SLIT2: variants seen among roughly 807,000 people sequenced by gnomAD.
SLIT2 encodes slit homolog 2 protein.
A neutral mutation model predicts 185.7 loss-of-function variants in SLIT2; 41 were observed. That is an observed-to-expected ratio of 0.22 (90% CI 0.17 to 0.29). SLIT2 has a LOEUF of 0.29. Ranked by LOEUF, SLIT2 falls within the 10% of genes least tolerant of loss-of-function variation. SLIT2 has a pLI of 1.00. For synonymous variants in SLIT2, 693 were observed against 680.2 expected (o/e 1.02, Z -0.29); for missense variants, 1,571 against 1,909.0 (o/e 0.82, Z 3.30).
intron 4 of SLIT2, among the ~76,000 whole-genome samples, chr4:20,360,556 T>C (rs1277507521): frequency 6.6e-6 from 1 of 152,124 alleles, no homozygotes; most frequent in Admixed American, 6.6e-5. Context: ...ACAGGAAGCA[T>C]AGAATGACTC....
chr4:20,599,951 A>G (rs1728282612), intron 33 of SLIT2, among the ~76,000 whole-genome samples: 1 of 152,206 alleles, frequency 6.6e-6, no homozygotes, highest in African/African-American at 2.4e-5. Context: ...ATGGAATTTG[A>G]TATCCACCAC....
At chr4:20,518,241 A>G (rs575588389) in intron 11 of SLIT2, among the ~76,000 whole-genome samples, 1,692 of 78,666 alleles carry the variant, frequency 0.022, 76 homozygotes, top group African/African-American at 0.058. Flanking sequence ...GTGTGTGTGT[A>G]TATATATATA....
Position 20,254,238 on chromosome 4 carries a change from C to A in SLIT2, c.179+244C>A, listed in dbSNP as rs1344077323. 6.6e-6 allele frequency among the ~76,000 whole-genome samples: 1 copy of A among 152,180 alleles called. No homozygotes were observed. Among genetic ancestry groups the A allele is most frequent in the African/African-American group, 2.4e-5 (1 of 41,450 alleles). On this transcript the variant is annotated intron_variant, in intron 1 of 36. Transcript: ENST00000504154. The surrounding 1 kb of genome is among the most constrained non-coding windows in gnomAD (Gnocchi z 5.1). ...TCCCCTGCTCTCGTCCCGCCACTCGCAGCTCCTTGCTGGCTAGTTCTCTGG... is the reference window on the plus strand; with the variant it reads ...TCCCCTGCTCTCGTCCCGCCACTCGAAGCTCCTTGCTGGCTAGTTCTCTGG...
At chr4:20,596,831 C>T (rs550329849) in intron 32 of SLIT2, among the ~76,000 whole-genome samples, 176 bp downstream of exon 32, 1 of 151,776 alleles carries the variant, frequency 6.6e-6, no homozygotes. Flanking sequence ...TTTGTATTTT[C>T]AAGACAAAAT....
At chr4:20,266,260 C>T (rs914830935) in intron 3 of SLIT2, among the ~76,000 whole-genome samples, 4 of 151,778 alleles carry the variant, frequency 2.6e-5, no homozygotes, top group African/African-American at 9.7e-5. Flanking sequence ...GATGTAGACT[C>T]GTTAACAAGA....
intron 5 of SLIT2, among the ~76,000 whole-genome samples, chr4:20,468,345 T>C (rs767234649): frequency 2.0e-4 from 31 of 152,094 alleles, no homozygotes; most frequent in Non-Finnish European, 4.1e-4. Flanking sequence ...AGTTTTAAGA[T>C]CACCCTTTGC....
intron 4 of SLIT2, among the ~76,000 whole-genome samples, chr4:20,430,697 T>A (rs537126944): frequency 1.3e-5 from 2 of 152,222 alleles, no homozygotes; most frequent in Non-Finnish European, 2.9e-5. Flanking sequence ...CAATAACACA[T>A]TGTATAAATA....
chr4:20,355,935 A>G (rs1283863297), intron 4 of SLIT2, among the ~76,000 whole-genome samples: 2 of 152,034 alleles, frequency 1.3e-5, no homozygotes, highest in African/African-American at 4.8e-5. Flanking sequence ...TGATGCATAC[A>G]TTTGACTGAT....
rs147698931 is a variant in SLIT2 at position 20,587,988 on chromosome 4, A to G, written c.3089-1656A>G. 9.0e-3 allele frequency among the ~76,000 whole-genome samples: 1,368 copies of G among 152,330 alleles called. 19 individuals carry two copies. Among genetic ancestry groups the G allele is most frequent in the African/African-American group, 0.031 (1,290 of 41,572 alleles). On this transcript the variant is annotated intron_variant, in intron 29 of 36. Coordinates refer to ENST00000504154, the MANE Select transcript of SLIT2 (RefSeq NM_004787.4). ...AACTGTCTTGGATAGATACTACTAT[A>G]AACAGCCTATATCTCCATCAGATAG...
intron 4 of SLIT2, among the ~76,000 whole-genome samples, chr4:20,320,630 C>T (rs1432988119): frequency 6.6e-6 from 1 of 152,100 alleles, no homozygotes; most frequent in Non-Finnish European, 1.5e-5. Flanking sequence ...CTTTACTCAT[C>T]CCTGTTTTGT....
chr4:20,399,187 T>G (rs948352690), intron 4 of SLIT2, among the ~76,000 whole-genome samples: 1 of 151,752 alleles, frequency 6.6e-6, no homozygotes, highest in Non-Finnish European at 1.5e-5. Context: ...AAGTAAAACT[T>G]TATTCTTTTA....
chr4:20,264,558 A>T (rs1008314371), intron 3 of SLIT2, among the ~76,000 whole-genome samples: 2 of 151,822 alleles, frequency 1.3e-5, no homozygotes, highest in African/African-American at 4.8e-5. Context: ...AGAGACTATG[A>T]CCTCTGCTAA....
intron 4 of SLIT2, among the ~76,000 whole-genome samples, chr4:20,308,194 AT>A (rs1430363307): frequency 6.6e-6 from 1 of 152,132 alleles, no homozygotes; most frequent in Non-Finnish European, 1.5e-5. Flanking sequence ...CCAGGTAGAG[AT>A]GCTAGAAAGG....
chr4:20,255,086 C>G (rs1230409692), intron 1 of SLIT2: 1 of 455,924 alleles, frequency 2.2e-6, no homozygotes. Flanking sequence ...GCACGTTCCG[C>G]TCTCGCGGTT....
chr4:20,451,476 T>G (rs544562732), intron 4 of SLIT2, among the ~76,000 whole-genome samples: 2 of 152,314 alleles, frequency 1.3e-5, no homozygotes, highest in East Asian at 3.9e-4. Context: ...TAAAAAAATT[T>G]CCAACCCTTA....
At chr4:20,344,854 C>T (rs964369978) in intron 4 of SLIT2, among the ~76,000 whole-genome samples, 3 of 152,098 alleles carry the variant, frequency 2.0e-5, no homozygotes, top group Non-Finnish European at 2.9e-5. Flanking sequence ...ATTTTTTCTG[C>T]ACTTTTCTTT....
chr4:20,537,912 T>TCCA, intron 18 of SLIT2, among the ~76,000 whole-genome samples: 1 of 152,184 alleles, frequency 6.6e-6, no homozygotes, highest in African/African-American at 2.4e-5. Flanking sequence ...TGCTTATGGA[T>TCCA]TTTTCTAGCA....
Position 20,486,186 on chromosome 4 carries a change from T to G in SLIT2, c.540-14T>G. ...TGTATCTAAAAATTCTAACTTTTCTTTTTAATTCTACAGCACTCTCAACAA... is the reference window on the plus strand; with the variant it reads ...TGTATCTAAAAATTCTAACTTTTCTGTTTAATTCTACAGCACTCTCAACAA... On this transcript the variant is annotated splice_polypyrimidine_tract_variant and intron_variant, in intron 6 of 36. Coordinates refer to ENST00000504154, the MANE Select transcript of SLIT2 (RefSeq NM_004787.4). 1 of 1,555,738 alleles carries G rather than the reference T, an allele frequency of 6.4e-7. No individual in the cohort carries two copies. The highest frequency in any genetic ancestry group is 1.1e-5 in the South Asian group (1 of 89,390).
At chr4:20,535,326 T>G (rs1165497526) in intron 18 of SLIT2, among the ~76,000 whole-genome samples, 2 of 151,708 alleles carry the variant, frequency 1.3e-5, no homozygotes, top group Non-Finnish European at 2.9e-5. Flanking sequence ...AGAAAGATAC[T>G]GAGGAATGTG....
Sources: gnomAD v4.1 joint callset for allele counts (sites outside exome capture counted in the v4.1 genomes callset) on GRCh38, gnomAD v4.1.1 for gene constraint, Gnocchi (gnomAD v3.1) non-coding constraint, MANE v1.5 for transcripts, NCBI Gene and HGNC (gene_info 2026-07-23, HGNC 2026-07-21) for gene names.